PAPPA2: variants seen among roughly 807,000 people sequenced by gnomAD.
The protein encoded by PAPPA2 is pappalysin-2.
PAPPA2 carries 86 observed loss-of-function variants against 176.4 expected under a neutral mutation model. The observed-to-expected ratio is 0.49, with a 90% CI of 0.41 to 0.58. The LOEUF (loss-of-function observed/expected upper bound fraction) is 0.58, where lower values mean the gene tolerates loss of function less well. Among genes scored for constraint, PAPPA2 ranks in the 20% least tolerant of loss-of-function variants. PAPPA2 has a pLI of 0.00. For missense variants in PAPPA2, 2,073 were observed against 2,256.9 expected, an observed-to-expected ratio of 0.92 and a Z score of 1.65; for synonymous variants, 809 against 852.2, an observed-to-expected ratio of 0.95 and a Z score of 0.88.
chr1:176,775,256 T>G (rs1031542325), intron 17 of PAPPA2, among the ~76,000 whole-genome samples: 1 of 152,180 alleles, frequency 6.6e-6, no homozygotes, highest in African/African-American at 2.4e-5. Context: ...TATTCAATAC[T>G]TTCTAAATGG....
chr1:176,682,014 A>G (rs986624466), intron 4 of PAPPA2, among the ~76,000 whole-genome samples: 1 of 152,118 alleles, frequency 6.6e-6, no homozygotes, highest in Admixed American at 6.6e-5. Flanking sequence ...GAGGTGAGAT[A>G]TCCCTTACTT....
At chr1:176,687,150 A>G (rs1283689901) in intron 4 of PAPPA2, among the ~76,000 whole-genome samples, 1 of 152,206 alleles carries the variant, frequency 6.6e-6, no homozygotes, top group African/African-American at 2.4e-5. Context: ...TCTCATATAA[A>G]TGAGTTTTTA....
intron 12 of PAPPA2, among the ~76,000 whole-genome samples, chr1:176,733,452 A>T (rs961352773): frequency 6.6e-6 from 1 of 152,128 alleles, no homozygotes; most frequent in African/African-American, 2.4e-5. Flanking sequence ...CAGTGGGTCA[A>T]TAGTTTATTC....
At chr1:176,632,363 A>T (rs1043678401) in intron 3 of PAPPA2, among the ~76,000 whole-genome samples, 2 of 151,988 alleles carry the variant, frequency 1.3e-5, no homozygotes, top group African/African-American at 4.8e-5. Context: ...CAGAAAATCA[A>T]ATGTCAAGAT....
At position 176,840,284 on chromosome 1, in the gene PAPPA2, A is replaced by T; in HGVS notation, c.5301+13A>T. On this transcript the variant is annotated intron_variant, in intron 22 of 22. Coordinates refer to ENST00000367662, the MANE Select transcript of PAPPA2 (RefSeq NM_020318.3). ...CTCCTCCAAGAAGGTGAGTGAGAGAACCTGGGGATGGGGGAGGCAGTGGCT... is the reference window on the plus strand; with the variant it reads ...CTCCTCCAAGAAGGTGAGTGAGAGATCCTGGGGATGGGGGAGGCAGTGGCT... 1 of 1,597,512 alleles carries T rather than the reference A, an allele frequency of 6.3e-7. No individual in the cohort carries two copies. The highest frequency in any genetic ancestry group is 8.6e-7 in the Non-Finnish European group (1 of 1,166,104).
At chr1:176,493,070 T>C (rs1647382549) in intron 1 of PAPPA2, among the ~76,000 whole-genome samples, 1 of 152,236 alleles carries the variant, frequency 6.6e-6, no homozygotes, top group African/African-American at 2.4e-5. Context: ...TAACCAATTA[T>C]GACTTTCAGT....
At chr1:176,653,463 C>A (rs2102746486) in intron 3 of PAPPA2, among the ~76,000 whole-genome samples, 1 of 151,826 alleles carries the variant, frequency 6.6e-6, no homozygotes, top group Admixed American at 6.6e-5. Flanking sequence ...GGGTACATCT[C>A]CTCAACACTC....
intron 14 of PAPPA2, among the ~76,000 whole-genome samples, chr1:176,749,604 CCATACCCTA>C (rs1321773648): frequency 1.3e-5 from 2 of 152,200 alleles, no homozygotes; most frequent in Non-Finnish European, 2.9e-5. Flanking sequence ...CTATTCACCA[CCATACCCTA>C]CATCCCTGCT....
At chr1:176,627,830 G>A (rs964246454) in intron 3 of PAPPA2, among the ~76,000 whole-genome samples, 2 of 152,138 alleles carry the variant, frequency 1.3e-5, no homozygotes, top group African/African-American at 4.8e-5. Context: ...CATGGAGAAA[G>A]TCAGGTCAGA....
intron 14 of PAPPA2, among the ~76,000 whole-genome samples, chr1:176,746,530 C>G (rs1021149547): frequency 2.6e-5 from 4 of 152,084 alleles, no homozygotes; most frequent in Admixed American, 6.6e-5. Context: ...CCTCAGCCTC[C>G]CAAGTAGCAG....
intron 3 of PAPPA2, among the ~76,000 whole-genome samples, chr1:176,595,880 G>A (rs913814543): frequency 1.9e-4 from 29 of 152,168 alleles, no homozygotes; most frequent in Admixed American, 1.1e-3. Flanking sequence ...CCAGGTACTT[G>A]GGACACAGGA....
In PAPPA2 at chr1:176,768,091, A is replaced by G. The variant is rs184149036; in HGVS notation, c.4324-1516A>G. The stretch of plus-strand genomic sequence containing the variant: ...TCCTGGCAGGATGGCTGGCTCAGCC[A>G]TAGAAACTCCCCTTTCTATCTTTGA... On this transcript the variant is annotated intron_variant, in intron 15 of 22. Coordinates refer to ENST00000367662, the MANE Select transcript of PAPPA2 (RefSeq NM_020318.3). Among the ~76,000 whole-genome samples, 4 of 152,296 alleles carry G rather than the reference A, an allele frequency of 2.6e-5. No homozygotes were observed. In the East Asian group the frequency reaches 7.7e-4, roughly 29 times the overall value.
At chr1:176,655,815 G>A (rs1423682064) in intron 3 of PAPPA2, among the ~76,000 whole-genome samples, 3 of 151,568 alleles carry the variant, frequency 2.0e-5, no homozygotes, top group East Asian at 2.0e-4. Flanking sequence ...AAATTACACC[G>A]GTCCCCATAA....
chr1:176,596,066 A>G (rs1384613053), intron 3 of PAPPA2, among the ~76,000 whole-genome samples: 1 of 152,250 alleles, frequency 6.6e-6, no homozygotes, highest in Non-Finnish European at 1.5e-5. Flanking sequence ...ATTTAGTCTA[A>G]GCAGTTCAGC....
intron 17 of PAPPA2, among the ~76,000 whole-genome samples, chr1:176,788,052 T>C (rs1270483188): frequency 1.3e-5 from 2 of 151,880 alleles, no homozygotes; most frequent in Non-Finnish European, 2.9e-5. Flanking sequence ...AAGAGTGAAA[T>C]TCCATCTCAG....
intron 3 of PAPPA2, among the ~76,000 whole-genome samples, chr1:176,656,658 T>G (rs550129019): frequency 5.3e-5 from 8 of 152,006 alleles, no homozygotes; most frequent in Non-Finnish European, 1.5e-5. Context: ...GTCATTCTTT[T>G]GTGCTTCTTC....
chr1:176,674,221 G>A lies in PAPPA2; in HGVS notation c.2137+3106G>A, dbSNP rs74708009. 5.1e-3 allele frequency among the ~76,000 whole-genome samples: 772 copies of A among 152,154 alleles called. 13 individuals carry two copies. The highest frequency in any genetic ancestry group is 0.017 in the African/African-American group (702 of 41,522). On this transcript the variant is annotated intron_variant, in intron 4 of 22. Coordinates refer to ENST00000367662, the MANE Select transcript of PAPPA2 (RefSeq NM_020318.3). ...CTCTGTGCAAGGGTAAACAGAAGTAGTACAGCTTATACAAAGCCTAAAATC... is the reference window on the plus strand; with the variant it reads ...CTCTGTGCAAGGGTAAACAGAAGTAATACAGCTTATACAAAGCCTAAAATC...
At chr1:176,525,570 G>C (rs1015183398) in intron 1 of PAPPA2, among the ~76,000 whole-genome samples, 2 of 152,110 alleles carry the variant, frequency 1.3e-5, no homozygotes, top group African/African-American at 2.4e-5. Context: ...AAAAAATCCA[G>C]ATTTCTGGGC....
intron 2 of PAPPA2, among the ~76,000 whole-genome samples, chr1:176,574,824 T>C (rs1195956261): frequency 6.6e-6 from 1 of 152,216 alleles, no homozygotes; most frequent in African/African-American, 2.4e-5. Context: ...ACTGTACCTT[T>C]TCTATGTTTA....
Sources: gnomAD v4.1 joint callset for allele counts (sites outside exome capture counted in the v4.1 genomes callset) on GRCh38, gnomAD v4.1.1 for gene constraint, MANE v1.5 for transcripts, NCBI Gene and HGNC (gene_info 2026-07-23, HGNC 2026-07-21) for gene names.